Variants in CACNB4 observed in about 807,000 individuals in gnomAD.
The protein encoded by CACNB4 is voltage-dependent L-type calcium channel subunit beta-4.
Under a neutral mutation model 71.2 loss-of-function variants are expected in CACNB4, and 32 were observed. That is an observed-to-expected ratio of 0.45 (90% CI 0.34 to 0.60). The LOEUF (loss-of-function observed/expected upper bound fraction) is 0.60, where lower values mean the gene tolerates loss of function less well. Ranked by LOEUF, CACNB4 falls within the 20% of genes least tolerant of loss-of-function variation. CACNB4 has a pLI of 0.01. For missense variants in CACNB4, 464 were observed against 647.9 expected, an observed-to-expected ratio of 0.72 and a Z score of 3.08; for synonymous variants, 231 against 236.9, an observed-to-expected ratio of 0.97 and a Z score of 0.23.
At chr2:152,010,842 G>T (rs1405063519) in intron 2 of CACNB4, among the ~76,000 whole-genome samples, 1 of 152,136 alleles carries the variant, frequency 6.6e-6, no homozygotes, top group African/African-American at 2.4e-5. Flanking sequence ...TGGAGGCTGG[G>T]GATCTGTGGG....
At chr2:151,891,038 C>G (rs868090768) in intron 2 of CACNB4, among the ~76,000 whole-genome samples, 4 of 152,116 alleles carry the variant, frequency 2.6e-5, no homozygotes, top group Admixed American at 1.3e-4. Context: ...ATAGTTCAAA[C>G]TAAAGCACAG....
intron 2 of CACNB4, among the ~76,000 whole-genome samples, chr2:152,071,538 T>C (rs963145187): frequency 6.6e-6 from 1 of 152,236 alleles, no homozygotes. Context: ...ATGTTAATGA[T>C]GGTTATGCCA....
intron 2 of CACNB4, among the ~76,000 whole-genome samples, chr2:151,905,908 T>C (rs2099854695): frequency 6.6e-6 from 1 of 152,246 alleles, no homozygotes; most frequent in African/African-American, 2.4e-5. Flanking sequence ...TTCAACTCAA[T>C]GGGAGTAAAC....
At chr2:151,952,172 TC>T (rs1477940420) in intron 2 of CACNB4, among the ~76,000 whole-genome samples, 14 of 152,120 alleles carry the variant, frequency 9.2e-5, no homozygotes, top group Admixed American at 2.0e-4. Flanking sequence ...TATCAACTAA[TC>T]AGAGTAAACA....
At chr2:152,046,917 A>G (rs941001576) in intron 2 of CACNB4, among the ~76,000 whole-genome samples, 2 of 152,120 alleles carry the variant, frequency 1.3e-5, no homozygotes, top group African/African-American at 4.8e-5. Flanking sequence ...AACTTCTGCT[A>G]AAAAAAGATT....
intron 2 of CACNB4, among the ~76,000 whole-genome samples, chr2:152,030,572 T>G (rs898091570): frequency 3.9e-5 from 6 of 152,244 alleles, no homozygotes; most frequent in Non-Finnish European, 8.8e-5. Flanking sequence ...AACTTGTCAT[T>G]TACATTAGGT....
At chr2:152,073,278 G>A (rs1686799882) in intron 2 of CACNB4, among the ~76,000 whole-genome samples, 1 of 152,056 alleles carries the variant, frequency 6.6e-6, no homozygotes, top group African/African-American at 2.4e-5. Flanking sequence ...TTATTGAAGG[G>A]AGCCAGTCGA....
At chr2:151,883,657 A>G (rs1373196127) in intron 2 of CACNB4, 1 of 418,244 alleles carries the variant, frequency 2.4e-6, no homozygotes, top group African/African-American at 2.0e-5. Flanking sequence ...GTTTTGTGCT[A>G]TATTAAGCCC....
chr2:151,860,398 A>C, intron 10 of CACNB4: 1 of 377,406 alleles, frequency 2.6e-6, no homozygotes. Flanking sequence ...AGATATCATT[A>C]GCCTTGTTGA....
intron 9 of CACNB4, among the ~76,000 whole-genome samples, chr2:151,864,900 A>G (rs529575470): frequency 1.1e-4 from 16 of 152,310 alleles, no homozygotes; most frequent in Non-Finnish European, 1.9e-4. Context: ...CTTATGTCCT[A>G]CTCTCAAAAG....
chr2:151,868,061 A>T (rs1276854313), intron 9 of CACNB4: 3 of 152,212 alleles, frequency 2.0e-5, no homozygotes, highest in Non-Finnish European at 2.9e-5. Context: ...TGTTCCAGAA[A>T]CTAATGAATA....
intron 2 of CACNB4, among the ~76,000 whole-genome samples, chr2:151,918,968 G>A (rs1222683127): frequency 6.6e-6 from 1 of 152,176 alleles, no homozygotes; most frequent in Non-Finnish European, 1.5e-5. Flanking sequence ...GTATGTAGGA[G>A]GGCTGAATGA....
At chr2:151,870,222 G>T (rs113454384) in intron 8 of CACNB4, 44 of 701,522 alleles carry the variant, frequency 6.3e-5, no homozygotes, top group African/African-American at 4.5e-4. Context: ...AATGAGAATG[G>T]TCAAGACAGA....
chr2:152,054,227 G>A (rs1014465015), intron 2 of CACNB4, among the ~76,000 whole-genome samples: 45 of 151,690 alleles, frequency 3.0e-4, no homozygotes, highest in Non-Finnish European at 4.9e-4. Flanking sequence ...TTAGCCGGGC[G>A]TGGTGGCGCG....
At position 151,898,970 on chromosome 2, in the gene CACNB4, A is replaced by AT. The variant is rs1039233260; in HGVS notation, c.148-15601dup. Among the ~76,000 whole-genome samples the AT allele has an allele frequency of 1.7e-4, 26 of 152,226 alleles. 1 individual carries two copies. In the South Asian group the frequency reaches 2.5e-3, roughly 15 times the overall value. The stretch of plus-strand genomic sequence containing the variant: ...GGCAGGATGTCCATTCAGTGGGAAA[A>AT]TTTTTTCCTCCCAGAATCATCCTGA... On this transcript the variant is annotated intron_variant, in intron 2 of 13. Coordinates refer to ENST00000539935, the MANE Select transcript of CACNB4 (RefSeq NM_000726.5).
chr2:152,095,011 C>T (rs1445936490), intron 2 of CACNB4, among the ~76,000 whole-genome samples: 1 of 152,172 alleles, frequency 6.6e-6, no homozygotes, highest in Non-Finnish European at 1.5e-5. Flanking sequence ...CCAAAGAAAG[C>T]CTTTGTGTGT....
At chr2:152,026,518 G>A (rs1683983038) in intron 2 of CACNB4, among the ~76,000 whole-genome samples, 1 of 151,954 alleles carries the variant, frequency 6.6e-6, no homozygotes, top group Non-Finnish European at 1.5e-5. Context: ...CTGAATAGCT[G>A]GGAATACAGG....
intron 2 of CACNB4, among the ~76,000 whole-genome samples, chr2:152,011,019 G>C (rs1453988823): frequency 6.6e-6 from 1 of 152,156 alleles, no homozygotes; most frequent in East Asian, 1.9e-4. Flanking sequence ...GACACCCTTG[G>C]GTGATCAAAG....
intron 2 of CACNB4, among the ~76,000 whole-genome samples, chr2:151,995,633 C>T (rs1681999671): frequency 1.3e-5 from 2 of 152,304 alleles, no homozygotes; most frequent in East Asian, 3.9e-4. Flanking sequence ...GGCGTGAACC[C>T]AGAAGGTGGA....
Sources: allele counts gnomAD v4.1 joint callset (sites outside exome capture counted in the v4.1 genomes callset), GRCh38; gene constraint gnomAD v4.1.1; transcripts MANE v1.5; gene names NCBI Gene and HGNC (gene_info 2026-07-23, HGNC 2026-07-21).